The following SVOPL variants were observed in gnomAD, a reference collection of about 807,000 sequenced individuals.
The protein encoded by SVOPL is SVOP like.
In SVOPL, 60 loss-of-function variants were observed where a neutral mutation model predicts 61.0. That is an observed-to-expected ratio of 0.98 (90% CI 0.80 to 1.22). SVOPL has a LOEUF of 1.22. Among genes scored for constraint, SVOPL ranks in the 50% most tolerant of loss-of-function variants. The probability of loss-of-function intolerance (pLI) is 0.00; values close to 1 mark genes in which losing one functional copy is unlikely to be tolerated. For synonymous variants in SVOPL, 279 were observed against 250.0 expected (o/e 1.12, Z -1.09); for missense variants, 662 against 643.9 (o/e 1.03, Z -0.30).
chr7:138,630,709 G>A (rs1800138358), intron 9 of SVOPL, among the ~76,000 whole-genome samples: 1 of 152,122 alleles, frequency 6.6e-6, no homozygotes, highest in Non-Finnish European at 1.5e-5. Flanking sequence ...TTGGGAGGCC[G>A]AGGTGGGCGG....
chr7:138,613,691 A>C (rs146569934), intron 14 of SVOPL, among the ~76,000 whole-genome samples: 1 of 152,182 alleles, frequency 6.6e-6, no homozygotes, highest in Middle Eastern at 3.4e-3. Flanking sequence ...CACTAATCAC[A>C]ATCTGGAATT....
chr7:138,627,290 G>T, intron 12 of SVOPL, 60 bp downstream of exon 12: 1 of 1,284,644 alleles, frequency 7.8e-7, no homozygotes, highest in Non-Finnish European at 1.1e-6. Context: ...AACACCATGG[G>T]TCAGGAGACT....
At position 138,630,044 on chromosome 7, in the gene SVOPL, C is replaced by T; in HGVS notation, c.863+5G>A. ...AAACTAGCTTTGAAATCATTACACT[C>T]TTACCATATGACCCAGATCTGTAAT... On this transcript the variant is annotated splice_donor_5th_base_variant and intron_variant, in intron 10 of 15. Transcript: ENST00000674285. 1 of 1,612,054 alleles carries T rather than the reference C, an allele frequency of 6.2e-7. No homozygotes were observed. The highest frequency in any genetic ancestry group is 8.5e-7 in the Non-Finnish European group (1 of 1,178,246).
At chr7:138,620,719 A>T (rs1189417978) in intron 14 of SVOPL, among the ~76,000 whole-genome samples, 1 of 151,824 alleles carries the variant, frequency 6.6e-6, no homozygotes, top group African/African-American at 2.4e-5. Context: ...AACAATTCTA[A>T]CTCAGGGTTA....
chr7:138,616,532 C>T (rs952833682), intron 14 of SVOPL, among the ~76,000 whole-genome samples: 1 of 152,098 alleles, frequency 6.6e-6, no homozygotes, highest in Admixed American at 6.6e-5. Context: ...GACAGGGTTT[C>T]TCCATGTTGG....
chr7:138,624,693 C>CTTTTTTT, intron 13 of SVOPL, among the ~76,000 whole-genome samples: 1 of 137,996 alleles, frequency 7.2e-6, no homozygotes, highest in Non-Finnish European at 1.6e-5. Flanking sequence ...TAGAACCAAA[C>CTTTTTTT]TTTTTTTTTT....
chr7:138,661,417 G>C (rs1009506223), intron 5 of SVOPL: 24 of 984,788 alleles, frequency 2.4e-5, no homozygotes, highest in Non-Finnish European at 2.9e-5. Context: ...GCTCAGAACA[G>C]TCTGAGGAAT....
intron 1 of SVOPL, among the ~76,000 whole-genome samples, chr7:138,682,575 G>A (rs985921084): frequency 2.0e-5 from 3 of 152,112 alleles, no homozygotes; most frequent in African/African-American, 7.2e-5. Flanking sequence ...GAAGAGGAAA[G>A]GGGAACCTAT....
intron 9 of SVOPL, among the ~76,000 whole-genome samples, chr7:138,640,287 A>C (rs1800718547): frequency 6.6e-6 from 1 of 151,674 alleles, no homozygotes; most frequent in South Asian, 2.1e-4. Context: ...ACTGGAGTGC[A>C]ATGGTGCCAT....
At chr7:138,611,595 A>AT (rs1023563904) in intron 14 of SVOPL, among the ~76,000 whole-genome samples, 1 of 151,922 alleles carries the variant, frequency 6.6e-6, no homozygotes, top group Non-Finnish European at 1.5e-5. Flanking sequence ...TTACGAGCTG[A>AT]TTTTTTTTCC....
chr7:138,596,693 G>T, intron 14 of SVOPL, 163 bp from the exon 15 acceptor site: 1 of 1,354,342 alleles, frequency 7.4e-7, no homozygotes, highest in Non-Finnish European at 9.5e-7. Flanking sequence ...AGCCAATCTG[G>T]TGTAGTCATT....
intron 9 of SVOPL, among the ~76,000 whole-genome samples, chr7:138,631,042 G>A (rs1417537946): frequency 1.3e-5 from 2 of 151,438 alleles, no homozygotes; most frequent in East Asian, 1.9e-4. Flanking sequence ...ATGAGGGCAC[G>A]CCATTGAAAA....
chr7:138,669,352 G>A (rs145687917), intron 4 of SVOPL, among the ~76,000 whole-genome samples: 205 of 152,218 alleles, frequency 1.3e-3, no homozygotes, highest in African/African-American at 4.6e-3. Flanking sequence ...AAGCTGCGGT[G>A]AGCTATGATC....
At chr7:138,611,846 A>G (rs1372962858) in intron 14 of SVOPL, among the ~76,000 whole-genome samples, 39 of 69,660 alleles carry the variant, frequency 5.6e-4, no homozygotes, top group East Asian at 1.8e-3. Context: ...GGCCTCCCAA[A>G]GTGCCGAGAT....
chr7:138,629,976 C>T, intron 10 of SVOPL, 73 bp downstream of exon 10: 1 of 1,255,306 alleles, frequency 8.0e-7, no homozygotes, highest in Non-Finnish European at 1.2e-6. Flanking sequence ...GTGGCACTCA[C>T]ATAGATTTAC....
At chr7:138,642,831 C>CAAAAAAAAAAAAAAAAAAAAAAAAAA (rs749603417) in intron 9 of SVOPL, among the ~76,000 whole-genome samples, 4 of 26,900 alleles carry the variant, frequency 1.5e-4, no homozygotes, top group East Asian at 1.5e-3. Flanking sequence ...CTCCTACCTC[C>CAAAAAAAAAAAAAAAAAAAAAAAAAA]AAAAAAAAAA....
chr7:138,656,894 T>G (rs1801765392), intron 6 of SVOPL, among the ~76,000 whole-genome samples: 1 of 151,702 alleles, frequency 6.6e-6, no homozygotes, highest in East Asian at 1.9e-4. Context: ...AATACAAAAT[T>G]AGCTGGGTGT....
chr7:138,680,568 C>A (rs1217934514), intron 1 of SVOPL, among the ~76,000 whole-genome samples: 1 of 144,866 alleles, frequency 6.9e-6, no homozygotes, highest in African/African-American at 2.6e-5. Context: ...CCCACACAGA[C>A]TTTTGTGTGT....
rs150085677 is a variant in SVOPL, at chr7:138,596,945, T to C, written c.1354-415A>G. On this transcript the variant is annotated intron_variant, in intron 14 of 15. Coordinates refer to ENST00000674285, the MANE Select transcript of SVOPL (RefSeq NM_001139456.2). The stretch of plus-strand genomic sequence containing the variant: ...CATTATCTCTTCAGTCCTGACAGCA[T>C]GAAACAGGTGAAAGTTTTTTTTGGA... The C allele has an allele frequency of 4.7e-4, 529 of 1,118,850 alleles. 2 individuals carry two copies. The African/African-American group carries it at 8.0e-3, about 17-fold the overall frequency. 69.3% of individuals were successfully genotyped at this position (1,118,850 alleles called of 1,614,324 possible). A position where few individuals can be genotyped will look rare whatever the true frequency, so the allele number is the denominator to read the frequency against.
Sources: allele counts gnomAD v4.1 joint callset (sites outside exome capture counted in the v4.1 genomes callset), GRCh38; gene constraint gnomAD v4.1.1; transcripts MANE v1.5; gene names NCBI Gene and HGNC (gene_info 2026-07-23, HGNC 2026-07-21).